BLTP3A: variants seen among roughly 807,000 people sequenced by gnomAD.
The protein encoded by BLTP3A is ICBP90 binding protein 1.
chr6:34,870,702 AT>A, the BLTP3A span: 1 of 1,083,958 alleles, frequency 9.2e-7, no homozygotes, highest in Middle Eastern at 2.2e-4. Context: ...TAATTATGTA[AT>A]TTTGGGCAAG....
At chr6:34,858,732 A>C in the BLTP3A span, 1 of 1,614,248 alleles carries the variant, frequency 6.2e-7, no homozygotes. Context: ...AAGTCATGGA[A>C]ATTCTGAAAG....
At chr6:34,820,120 T>C in the BLTP3A span, among the ~76,000 whole-genome samples, 6 of 152,146 alleles carry the variant, frequency 3.9e-5, no homozygotes, top group African/African-American at 1.2e-4. Context: ...CTGTTTCACA[T>C]TCTTAACTTC....
At chr6:34,847,619 T>G in the BLTP3A span, among the ~76,000 whole-genome samples, 1 of 151,972 alleles carries the variant, frequency 6.6e-6, no homozygotes, top group Non-Finnish European at 1.5e-5. Context: ...TTTTTGAATT[T>G]CTGCAGTATT....
At chr6:34,818,138 G>T in the BLTP3A span, among the ~76,000 whole-genome samples, 1 of 152,112 alleles carries the variant, frequency 6.6e-6, no homozygotes, top group African/African-American at 2.4e-5. Flanking sequence ...GATTACAGGC[G>T]TGAGCCACCG....
the BLTP3A span, among the ~76,000 whole-genome samples, chr6:34,844,675 A>G: frequency 5.9e-5 from 9 of 152,092 alleles, no homozygotes; most frequent in South Asian, 2.1e-4. Flanking sequence ...ATACATGTCT[A>G]TTCAGGTCTT....
At chr6:34,846,898 G>A in the BLTP3A span, among the ~76,000 whole-genome samples, 1 of 152,156 alleles carries the variant, frequency 6.6e-6, no homozygotes, top group Non-Finnish European at 1.5e-5. Context: ...AATAGGTACA[G>A]GTCTGTTGTA....
the BLTP3A span, among the ~76,000 whole-genome samples, chr6:34,842,592 C>T: frequency 6.6e-6 from 1 of 152,038 alleles, no homozygotes; most frequent in Non-Finnish European, 1.5e-5. Context: ...ACCTGTAATC[C>T]CAGCACTTTG....
chr6:34,865,392 A>T, the BLTP3A span, among the ~76,000 whole-genome samples: 4 of 152,234 alleles, frequency 2.6e-5, no homozygotes, highest in African/African-American at 9.6e-5. Context: ...CATAAGGCTG[A>T]ATAGTATTCC....
the BLTP3A span, chr6:34,821,630 C>A: frequency 6.3e-7 from 1 of 1,585,088 alleles, no homozygotes; most frequent in Non-Finnish European, 8.6e-7. Context: ...GAAATAATAG[C>A]TTCTTATCAT....
the BLTP3A span, among the ~76,000 whole-genome samples, chr6:34,802,231 G>A: frequency 6.6e-6 from 1 of 151,968 alleles, no homozygotes; most frequent in African/African-American, 2.4e-5. Context: ...TTGAGATGGA[G>A]TTTTGCTCTT....
At chr6:34,858,025 A>G in the BLTP3A span, 11 of 1,557,176 alleles carry the variant, frequency 7.1e-6, no homozygotes, top group South Asian at 1.2e-5. Context: ...GTAAGAAAAT[A>G]GTTTCACAGC....
At chr6:34,808,606 C>T in the BLTP3A span, among the ~76,000 whole-genome samples, 3 of 151,416 alleles carry the variant, frequency 2.0e-5, no homozygotes, top group Admixed American at 2.0e-4. Context: ...TCTGTTGAGA[C>T]AGGATCTCAC....
At chr6:34,819,166 T>A in the BLTP3A span, among the ~76,000 whole-genome samples, 53 of 148,636 alleles carry the variant, frequency 3.6e-4, no homozygotes, top group African/African-American at 1.1e-3. Flanking sequence ...CTTTTTTTTT[T>A]ATTATACTTT....
the BLTP3A span, among the ~76,000 whole-genome samples, chr6:34,807,096 C>G: frequency 2.6e-4 from 39 of 152,114 alleles, no homozygotes; most frequent in African/African-American, 9.4e-4. Flanking sequence ...CACTAGGAAT[C>G]TAATATTTAG....
At chr6:34,868,820 G>A in the BLTP3A span, among the ~76,000 whole-genome samples, 1 of 151,672 alleles carries the variant, frequency 6.6e-6, no homozygotes, top group Non-Finnish European at 1.5e-5. Flanking sequence ...GAGTCTAGGA[G>A]TTTGAGACTA....
chr6:34,836,467 T>G, the BLTP3A span: 74 of 937,050 alleles, frequency 7.9e-5, no homozygotes, highest in Non-Finnish European at 1.2e-4. Context: ...TTGGCTTCCC[T>G]TAATCACAGG....
At chr6:34,857,404 A>G in the BLTP3A span, 8 of 1,614,126 alleles carry the variant, frequency 5.0e-6, no homozygotes, top group South Asian at 8.8e-5. Flanking sequence ...CAACCTCCCT[A>G]CCCAGGTCTC....
At chr6:34,794,593 T>C in the BLTP3A span, among the ~76,000 whole-genome samples, 1 of 152,260 alleles carries the variant, frequency 6.6e-6, no homozygotes, top group Admixed American at 6.5e-5. Flanking sequence ...CCTCAAGGCA[T>C]CTTGGAACTA....
chr6:34,818,190 C>G, the BLTP3A span, among the ~76,000 whole-genome samples: 24 of 152,200 alleles, frequency 1.6e-4, no homozygotes, highest in African/African-American at 5.8e-4. Flanking sequence ...CCCATGAGGC[C>G]GGGTACAATG....
Sources: allele counts gnomAD v4.1 joint callset (sites outside exome capture counted in the v4.1 genomes callset), GRCh38; gene constraint gnomAD v4.1.1; transcripts MANE v1.5; gene names NCBI Gene and HGNC (gene_info 2026-07-23, HGNC 2026-07-21).